NRXN3: variants seen among roughly 807,000 people sequenced by gnomAD.
NRXN3 encodes neurexin 3, also known as neurexin III.
NRXN3 carries 32 observed loss-of-function variants against 137.6 expected under a neutral mutation model. The ratio of observed to expected loss-of-function variants is 0.23; its 90% CI spans 0.18 to 0.31. NRXN3 has a LOEUF of 0.31. NRXN3 is among the 10% of genes least tolerant of loss of function. NRXN3 has a pLI of 1.00. For synonymous variants in NRXN3, 798 were observed against 784.5 expected, an observed-to-expected ratio of 1.02 and a Z score of -0.29; for missense variants, 1,574 against 2,062.5, an observed-to-expected ratio of 0.76 and a Z score of 4.59.
At position 79,294,764 on chromosome 14, in the gene NRXN3, C is replaced by T. The variant is rs547055870; in HGVS notation, c.3263-172457C>T. 3.9e-5 allele frequency among the ~76,000 whole-genome samples: 6 copies of T among 152,122 alleles called. No individual in the cohort carries two copies. In the East Asian group the frequency reaches 1.2e-3, roughly 29 times the overall value. ...GGAATTCATACTTTATTATTGAGTACTTATGATGAGCAATGCAAGGCACTG... is the reference window on the plus strand; with the variant it reads ...GGAATTCATACTTTATTATTGAGTATTTATGATGAGCAATGCAAGGCACTG... On this transcript the variant is annotated intron_variant, in intron 15 of 20. Coordinates refer to ENST00000335750, the MANE Select transcript of NRXN3 (RefSeq NM_001330195.2).
In NRXN3 at chr14:78,966,026, T is replaced by G. The variant is rs757531359; in HGVS notation, c.2397T>G (p.Gly799=). ...GTACCTCATTTACAATTTTCACAGGTACAATGGTGGGAGACCATACCCGTT... is the reference window on the plus strand; with the variant it reads ...GTACCTCATTTACAATTTTCACAGGGACAATGGTGGGAGACCATACCCGTT... ...KLTVDDDVAE[G]TMVGDHTRLE... The change falls in exon 12 of 21, where the codon GGT becomes GGG. Residue 799 remains glycine, a splice_region_variant and synonymous_variant. Coordinates refer to ENST00000335750, the MANE Select transcript of NRXN3 (RefSeq NM_001330195.2). 1 of 1,613,138 alleles carries G rather than the reference T, an allele frequency of 6.2e-7. No individual in the cohort carries two copies. The highest frequency in any genetic ancestry group is 2.2e-5 in the East Asian group (1 of 44,866).
chr14:78,360,283 G>A (rs1174123194), intron 4 of NRXN3, among the ~76,000 whole-genome samples: 1 of 152,100 alleles, frequency 6.6e-6, no homozygotes, highest in East Asian at 1.9e-4. Flanking sequence ...ACCGTCTAGG[G>A]GTCGGGGTCC....
intron 4 of NRXN3, 82 bp from the exon 5 acceptor site, chr14:78,645,038 C>A (rs1404954460): frequency 1.6e-6 from 2 of 1,235,602 alleles, no homozygotes; most frequent in Non-Finnish European, 2.2e-6. Flanking sequence ...AGTGCCCCTG[C>A]GGTGTGTTCT....
intron 9 of NRXN3, among the ~76,000 whole-genome samples, chr14:78,808,234 C>G (rs923304455): frequency 2.0e-5 from 3 of 152,126 alleles, no homozygotes; most frequent in African/African-American, 7.2e-5. Flanking sequence ...CAAGCTCTTA[C>G]ATTGGTTTAA....
intron 16 of NRXN3, among the ~76,000 whole-genome samples, chr14:79,510,422 G>A (rs2096921597): frequency 6.6e-6 from 1 of 152,072 alleles, no homozygotes; most frequent in Admixed American, 6.6e-5. Flanking sequence ...GCACAGTTAG[G>A]GAAGACTTAC....
chr14:78,762,566 G>T (rs1173824870), intron 8 of NRXN3, among the ~76,000 whole-genome samples: 2 of 152,132 alleles, frequency 1.3e-5, no homozygotes, highest in Non-Finnish European at 2.9e-5. Flanking sequence ...ACACATGGGG[G>T]TGAGTTAAAA....
intron 15 of NRXN3, among the ~76,000 whole-genome samples, chr14:79,430,492 A>T (rs986908198): frequency 2.0e-5 from 3 of 152,220 alleles, no homozygotes; most frequent in Non-Finnish European, 2.9e-5. Flanking sequence ...ACTCAAGGTG[A>T]AAGTTTGGCC....
chr14:79,553,875 A>G (rs1373889860), intron 16 of NRXN3, among the ~76,000 whole-genome samples: 1 of 152,170 alleles, frequency 6.6e-6, no homozygotes, highest in African/African-American at 2.4e-5. Context: ...TCACAACACA[A>G]TAACAGGAGA....
chr14:79,387,972 A>C (rs1192441153), intron 15 of NRXN3, among the ~76,000 whole-genome samples: 1 of 86,770 alleles, frequency 1.2e-5, no homozygotes. Context: ...GGGAGGGGGG[A>C]GGGATAGCAT....
intron 10 of NRXN3, among the ~76,000 whole-genome samples, chr14:78,933,546 GT>G (rs1316846030): frequency 1.3e-5 from 2 of 152,084 alleles, no homozygotes; most frequent in Admixed American, 1.3e-4. Flanking sequence ...ATTCAAATTT[GT>G]TTTTTAATTG....
chr14:79,637,157 T>A (rs2098408211), intron 16 of NRXN3, among the ~76,000 whole-genome samples: 1 of 152,158 alleles, frequency 6.6e-6, no homozygotes, highest in African/African-American at 2.4e-5. Context: ...CCTTCCTACT[T>A]CTGTTTCATT....
intron 1 of NRXN3, among the ~76,000 whole-genome samples, chr14:78,237,918 C>T (rs1310284538): frequency 2.0e-5 from 3 of 152,096 alleles, no homozygotes; most frequent in South Asian, 2.1e-4. Context: ...GTGGGATGCC[C>T]GCAAAGGCTG....
chr14:79,581,146 G>C (rs2097712584), intron 16 of NRXN3, among the ~76,000 whole-genome samples: 1 of 152,124 alleles, frequency 6.6e-6, no homozygotes, highest in Non-Finnish European at 1.5e-5. Flanking sequence ...TCTAGAGGCA[G>C]TGCTGGGATT....
At chr14:79,208,534 A>G (rs888033677) in intron 15 of NRXN3, among the ~76,000 whole-genome samples, 1 of 152,214 alleles carries the variant, frequency 6.6e-6, no homozygotes, top group Non-Finnish European at 1.5e-5. Flanking sequence ...GAATCAATTA[A>G]TATTCATCTA....
intron 14 of NRXN3, among the ~76,000 whole-genome samples, chr14:78,976,227 T>A (rs2099465507): frequency 6.6e-6 from 1 of 152,288 alleles, no homozygotes; most frequent in Non-Finnish European, 1.5e-5. Context: ...TTGTATTAGG[T>A]GATTAATTAG....
chr14:78,835,168 G>C (rs368465999), intron 10 of NRXN3, among the ~76,000 whole-genome samples: 1 of 152,064 alleles, frequency 6.6e-6, no homozygotes, highest in Non-Finnish European at 1.5e-5. Flanking sequence ...AGAGAGAACC[G>C]GCAAAGGGAA....
intron 4 of NRXN3, among the ~76,000 whole-genome samples, chr14:78,610,316 A>T (rs547609160): frequency 1.2e-3 from 177 of 152,338 alleles, no homozygotes; most frequent in Admixed American, 1.8e-3. Flanking sequence ...ATTCAAAGCT[A>T]AATAATTTTA....
chr14:78,287,960 A>G (rs2075357070), intron 3 of NRXN3, among the ~76,000 whole-genome samples: 1 of 151,988 alleles, frequency 6.6e-6, no homozygotes, highest in African/African-American at 2.4e-5. Context: ...AGTTCAGTTC[A>G]TTATAGAGTG....
intron 16 of NRXN3, among the ~76,000 whole-genome samples, chr14:79,503,778 C>A (rs548283432): frequency 7.9e-5 from 12 of 152,294 alleles, no homozygotes; most frequent in African/African-American, 2.9e-4. Context: ...CACATTCAGT[C>A]TAGCTGAATG....
Sources: allele counts gnomAD v4.1 joint callset (sites outside exome capture counted in the v4.1 genomes callset), GRCh38; gene constraint gnomAD v4.1.1; transcripts MANE v1.5; gene names NCBI Gene and HGNC (gene_info 2026-07-23, HGNC 2026-07-21).